The following PLCB1 variants were observed in gnomAD, a reference collection of about 807,000 sequenced individuals.
The protein encoded by PLCB1 is phospholipase C beta 1.
Under a neutral mutation model 161.8 loss-of-function variants are expected in PLCB1, and 46 were observed. That is an observed-to-expected ratio of 0.28 (90% CI 0.22 to 0.36). PLCB1 has a LOEUF of 0.36. PLCB1 is among the 10% of genes least tolerant of loss of function. The pLI is 1.00. For synonymous variants in PLCB1, 517 were observed against 503.7 expected, an observed-to-expected ratio of 1.03 and a Z score of -0.35; for missense variants, 1,016 against 1,472.5, an observed-to-expected ratio of 0.69 and a Z score of 5.07.
chr20:8,247,331 G>T (rs1980926678), intron 2 of PLCB1, among the ~76,000 whole-genome samples: 1 of 151,724 alleles, frequency 6.6e-6, no homozygotes, highest in Admixed American at 6.6e-5. Context: ...TCTTTATACA[G>T]CTTAAAATGA....
intron 3 of PLCB1, among the ~76,000 whole-genome samples, chr20:8,481,791 T>C (rs1432031321): frequency 6.6e-6 from 1 of 152,138 alleles, no homozygotes; most frequent in Admixed American, 6.5e-5. Flanking sequence ...ATCATTTGAA[T>C]TGGTTTTTTG....
chr20:8,262,804 T>C (rs1981770189), intron 2 of PLCB1, among the ~76,000 whole-genome samples: 1 of 152,200 alleles, frequency 6.6e-6, no homozygotes. Flanking sequence ...GACTTGCAGC[T>C]GCCTTCTTGC....
chr20:8,145,515 A>G (rs1401953970), intron 1 of PLCB1, among the ~76,000 whole-genome samples: 1 of 152,244 alleles, frequency 6.6e-6, no homozygotes, highest in Non-Finnish European at 1.5e-5. Context: ...CTCTAGTTAG[A>G]TATTGAAGAA....
intron 3 of PLCB1, among the ~76,000 whole-genome samples, chr20:8,570,276 G>A (rs1164263761): frequency 6.6e-6 from 1 of 152,124 alleles, no homozygotes; most frequent in Non-Finnish European, 1.5e-5. Context: ...GCAGATCAGG[G>A]CACCCCTCTG....
chr20:8,770,648 C>A (rs1380383873), intron 26 of PLCB1, among the ~76,000 whole-genome samples: 2 of 152,128 alleles, frequency 1.3e-5, no homozygotes, highest in African/African-American at 4.8e-5. Flanking sequence ...GGCGGGACAA[C>A]TCGAAGCAAA....
At chr20:8,798,589 C>T (rs900654130) in intron 31 of PLCB1, among the ~76,000 whole-genome samples, 1 of 152,082 alleles carries the variant, frequency 6.6e-6, no homozygotes, top group African/African-American at 2.4e-5. Context: ...CACACACACA[C>T]ACACACCCCT....
chr20:8,483,677 C>T (rs1010604355), intron 3 of PLCB1, among the ~76,000 whole-genome samples: 1 of 151,850 alleles, frequency 6.6e-6, no homozygotes, highest in Admixed American at 6.6e-5. Flanking sequence ...AACAATGCTG[C>T]GTAATTCTGG....
At position 8,631,857 on chromosome 20, in the gene PLCB1, T is replaced by C. The variant is rs111700497; in HGVS notation, c.384+3426T>C. On this transcript the variant is annotated intron_variant, in intron 4 of 31. Transcript: ENST00000338037. The stretch of plus-strand genomic sequence containing the variant: ...TGTCTCCAGGTTCCATTTTTAAACA[T>C]GTAACTTGAAAATTAGAGAATAAGG... Among the ~76,000 whole-genome samples, 5 of 152,240 alleles carry C rather than the reference T, an allele frequency of 3.3e-5. No homozygotes were observed. The South Asian group carries it at 8.3e-4, about 25-fold the overall frequency.
At chr20:8,290,977 G>A (rs746605041) in intron 2 of PLCB1, among the ~76,000 whole-genome samples, 1 of 151,310 alleles carries the variant, frequency 6.6e-6, no homozygotes. Flanking sequence ...TTATTCATCA[G>A]TGCTCAGAAT....
chr20:8,284,511 G>A (rs1052821908), intron 2 of PLCB1, among the ~76,000 whole-genome samples: 14 of 152,132 alleles, frequency 9.2e-5, no homozygotes, highest in African/African-American at 3.1e-4. Flanking sequence ...GCTGAGGTAG[G>A]AGGATCTCTT....
intron 3 of PLCB1, among the ~76,000 whole-genome samples, chr20:8,441,683 C>T (rs146104983): frequency 6.6e-5 from 10 of 152,184 alleles, no homozygotes; most frequent in South Asian, 4.2e-4. Flanking sequence ...CCATAACAGA[C>T]GATCTCTCAG....
intron 31 of PLCB1, among the ~76,000 whole-genome samples, chr20:8,848,285 G>T (rs1314728514): frequency 6.6e-6 from 1 of 152,098 alleles, no homozygotes; most frequent in East Asian, 1.9e-4. Flanking sequence ...CTAGTTCATG[G>T]ATGTATTCAC....
rs534760141 is a variant in PLCB1, at chr20:8,625,574, C to T, written c.247-2720C>T. On this transcript the variant is annotated intron_variant, in intron 3 of 31. Coordinates refer to ENST00000338037, the MANE Select transcript of PLCB1 (RefSeq NM_015192.4). ...AATGTGCTCCATCACCGAAAAAGGACGTTAGTAAGAAACTTGGCTTGTTAC... is the reference window on the plus strand; with the variant it reads ...AATGTGCTCCATCACCGAAAAAGGATGTTAGTAAGAAACTTGGCTTGTTAC... Among the ~76,000 whole-genome samples the T allele has an allele frequency of 5.7e-4, 87 of 152,248 alleles. 2 individuals are homozygous for T. The South Asian group carries it at 0.018, about 31-fold the overall frequency.
intron 9 of PLCB1, among the ~76,000 whole-genome samples, chr20:8,667,818 C>T (rs570702594): frequency 1.3e-5 from 2 of 152,290 alleles, no homozygotes; most frequent in South Asian, 4.1e-4. Context: ...TTCAGAGGTG[C>T]CTTGCCATTT....
At chr20:8,744,912 A>G (rs1237853823) in intron 23 of PLCB1, among the ~76,000 whole-genome samples, 1 of 152,104 alleles carries the variant, frequency 6.6e-6, no homozygotes, top group Non-Finnish European at 1.5e-5. Flanking sequence ...TAGGAGGATA[A>G]AATGTACAAA....
chr20:8,612,582 C>T (rs532604684), intron 3 of PLCB1, among the ~76,000 whole-genome samples: 13 of 152,270 alleles, frequency 8.5e-5, no homozygotes, highest in South Asian at 6.2e-4. Flanking sequence ...TGGATTATCG[C>T]GCATCCACTA....
chr20:8,553,050 C>T (rs1310486026), intron 3 of PLCB1, among the ~76,000 whole-genome samples: 2 of 152,092 alleles, frequency 1.3e-5, no homozygotes, highest in African/African-American at 2.4e-5. Context: ...TTACATCCAT[C>T]GCTGCATTAT....
At chr20:8,554,718 T>A (rs1480562139) in intron 3 of PLCB1, among the ~76,000 whole-genome samples, 9 of 152,160 alleles carry the variant, frequency 5.9e-5, no homozygotes, top group Non-Finnish European at 1.5e-5. Context: ...GATCCATATG[T>A]TTATGATTTG....
At chr20:8,758,462 G>T (rs1981852121) in intron 24 of PLCB1, among the ~76,000 whole-genome samples, 1 of 151,912 alleles carries the variant, frequency 6.6e-6, no homozygotes, top group Non-Finnish European at 1.5e-5. Flanking sequence ...CATGCCTGTA[G>T]TTCCAGCAAC....
Sources: gnomAD v4.1 joint callset for allele counts (sites outside exome capture counted in the v4.1 genomes callset) on GRCh38, gnomAD v4.1.1 for gene constraint, MANE v1.5 for transcripts, NCBI Gene and HGNC (gene_info 2026-07-23, HGNC 2026-07-21) for gene names.